Variants in DNER observed in about 807,000 individuals in gnomAD.
DNER encodes delta and Notch-like epidermal growth factor-related receptor.
A neutral mutation model predicts 78.2 loss-of-function variants in DNER; 33 were observed. That is an observed-to-expected ratio of 0.42 (90% CI 0.32 to 0.56). The LOEUF (loss-of-function observed/expected upper bound fraction) is 0.56, where lower values mean the gene tolerates loss of function less well. Among genes scored for constraint, DNER ranks in the 20% least tolerant of loss-of-function variants. The probability of loss-of-function intolerance (pLI) is 0.11; values close to 1 mark genes in which losing one functional copy is unlikely to be tolerated. For missense variants in DNER, 918 were observed against 975.3 expected (o/e 0.94, Z 0.78); for synonymous variants, 417 against 384.8 (o/e 1.08, Z -0.98).
intron 11 of DNER, among the ~76,000 whole-genome samples, chr2:229,380,434 T>C (rs1692710562): frequency 6.6e-6 from 1 of 152,102 alleles, no homozygotes; most frequent in African/African-American, 2.4e-5. Context: ...AAAAGGTGAG[T>C]GAGCAGGTGA....
At chr2:229,564,157 A>ACATCATCACCCCATCAACATCATCATCAG (rs1697045261) in intron 4 of DNER, among the ~76,000 whole-genome samples, 1 of 96,312 alleles carries the variant, frequency 1.0e-5, no homozygotes, top group African/African-American at 4.1e-5. Context: ...ATCATCATCA[A>ACATCATCACCCCATCAACATCATCATCAG]CATCATCACC....
intron 1 of DNER, among the ~76,000 whole-genome samples, chr2:229,696,290 A>G (rs527848178): frequency 6.6e-6 from 1 of 152,352 alleles, no homozygotes; most frequent in Non-Finnish European, 1.5e-5. Context: ...TGACTGGGAT[A>G]GTATTACAAC....
At chr2:229,643,482 G>T (rs1383255750) in intron 1 of DNER, among the ~76,000 whole-genome samples, 2 of 152,186 alleles carry the variant, frequency 1.3e-5, no homozygotes, top group African/African-American at 4.8e-5. Flanking sequence ...ACTGGGAGAG[G>T]AAGCTGCATA....
At chr2:229,419,347 T>C (rs1693716358) in intron 8 of DNER, among the ~76,000 whole-genome samples, 1 of 152,192 alleles carries the variant, frequency 6.6e-6, no homozygotes, top group Admixed American at 6.5e-5. Context: ...TCCAGCCCTG[T>C]CCAAACAATG....
chr2:229,399,910 G>C (rs1191203957), intron 10 of DNER, among the ~76,000 whole-genome samples: 1 of 151,902 alleles, frequency 6.6e-6, no homozygotes, highest in Non-Finnish European at 1.5e-5. Flanking sequence ...TATTACAACT[G>C]TATGGAACAA....
chr2:229,681,670 G>T (rs139815947), intron 1 of DNER, among the ~76,000 whole-genome samples: 1 of 152,010 alleles, frequency 6.6e-6, no homozygotes, highest in Non-Finnish European at 1.5e-5. Flanking sequence ...ACACAACACC[G>T]CTCAAGGGGG....
chr2:229,416,052 C>T (rs1439136390), intron 9 of DNER, among the ~76,000 whole-genome samples: 1 of 152,216 alleles, frequency 6.6e-6, no homozygotes, highest in African/African-American at 2.4e-5. Flanking sequence ...ACCTCACAGA[C>T]ACCTCCTTCT....
At chr2:229,581,719 T>G (rs1697400169) in intron 4 of DNER, among the ~76,000 whole-genome samples, 1 of 152,238 alleles carries the variant, frequency 6.6e-6, no homozygotes, top group African/African-American at 2.4e-5. Flanking sequence ...ATTCTCTTAA[T>G]CCGGAATGTA....
chr2:229,437,025 CCAATGG>C (rs1234548335), intron 8 of DNER, among the ~76,000 whole-genome samples: 2 of 152,112 alleles, frequency 1.3e-5, no homozygotes, highest in East Asian at 1.9e-4. Context: ...GAAGCAAAAC[CCAATGG>C]TATGCTATCT....
At chr2:229,525,593 A>G (rs924111532) in intron 5 of DNER, among the ~76,000 whole-genome samples, 1 of 152,220 alleles carries the variant, frequency 6.6e-6, no homozygotes, top group African/African-American at 2.4e-5. Context: ...TCTCTGATCT[A>G]ATCAATGCAT....
chr2:229,621,254 C>T (rs996502071), intron 1 of DNER, among the ~76,000 whole-genome samples: 1 of 152,182 alleles, frequency 6.6e-6, no homozygotes, highest in African/African-American at 2.4e-5. Context: ...TTTCTCATTG[C>T]CCTATTTTGA....
intron 6 of DNER, among the ~76,000 whole-genome samples, chr2:229,505,509 G>T (rs985231912): frequency 9.2e-5 from 14 of 152,172 alleles, no homozygotes. Context: ...AAAAGTAGCT[G>T]GGAGTCAGAG....
At chr2:229,542,730 A>G (rs1469357308) in intron 5 of DNER, among the ~76,000 whole-genome samples, 1 of 151,518 alleles carries the variant, frequency 6.6e-6, no homozygotes, top group East Asian at 1.9e-4. Flanking sequence ...AGACACTGAA[A>G]CAGCCATTGC....
chr2:229,532,628 G>C (rs901731346), intron 5 of DNER, among the ~76,000 whole-genome samples: 9 of 152,230 alleles, frequency 5.9e-5, no homozygotes, highest in Admixed American at 4.6e-4. Context: ...GGCCCTGGGT[G>C]GAACCCAAGA....
chr2:229,534,967 C>T (rs1453526925), intron 5 of DNER, among the ~76,000 whole-genome samples: 1 of 152,074 alleles, frequency 6.6e-6, no homozygotes, highest in African/African-American at 2.4e-5. Context: ...TCCCAAGTAG[C>T]TGGGATTATA....
intron 11 of DNER, among the ~76,000 whole-genome samples, chr2:229,369,469 C>A (rs1302548202): frequency 6.6e-6 from 1 of 151,102 alleles, no homozygotes; most frequent in Non-Finnish European, 1.5e-5. Flanking sequence ...AAAGTTTCAA[C>A]TTTCTAAAAA....
At chr2:229,488,326 G>A (rs953221892) in intron 6 of DNER, among the ~76,000 whole-genome samples, 2 of 152,220 alleles carry the variant, frequency 1.3e-5, no homozygotes, top group African/African-American at 2.4e-5. Context: ...AGATGTTTGT[G>A]TATGCATGTC....
intron 5 of DNER, among the ~76,000 whole-genome samples, chr2:229,522,962 C>G (rs1380432623): frequency 6.6e-6 from 1 of 152,216 alleles, no homozygotes; most frequent in East Asian, 1.9e-4. Flanking sequence ...CTCAAGGTCA[C>G]ACAGCTAGTC....
chr2:229,682,529 C>T (rs1699403143), intron 1 of DNER, among the ~76,000 whole-genome samples: 1 of 152,128 alleles, frequency 6.6e-6, no homozygotes, highest in African/African-American at 2.4e-5. Flanking sequence ...CTGGTTACTT[C>T]ATCTCATAAT....
Sources: gnomAD v4.1 joint callset for allele counts (sites outside exome capture counted in the v4.1 genomes callset) on GRCh38, gnomAD v4.1.1 for gene constraint, MANE v1.5 for transcripts, NCBI Gene and HGNC (gene_info 2026-07-23, HGNC 2026-07-21) for gene names.